Variants in PPIP5K1 observed in about 807,000 individuals in gnomAD.
PPIP5K1 encodes the protein diphosphoinositol pentakisphosphate kinase 1, also known as inositol hexakisphosphate and diphosphoinositol-pentakisphosphate kinase 1.
In PPIP5K1, 6 loss-of-function variants were observed where a neutral mutation model predicts 27.7. That is an observed-to-expected ratio of 0.22 (90% CI 0.12 to 0.43). The LOEUF is 0.43. PPIP5K1 is among the 20% of genes least tolerant of loss of function. PPIP5K1 has a pLI of 1.00. For synonymous variants in PPIP5K1, 145 were observed against 242.6 expected (o/e 0.60, Z 3.74); for missense variants, 394 against 635.4 (o/e 0.62, Z 4.08).
intron 30 of PPIP5K1, among the ~76,000 whole-genome samples, chr15:43,550,462 C>A (rs2082053768): frequency 6.6e-6 from 1 of 152,128 alleles, no homozygotes; most frequent in South Asian, 2.1e-4. Context: ...CATCCTGTAA[C>A]CTGCAACTCT....
intron 30 of PPIP5K1, among the ~76,000 whole-genome samples, chr15:43,547,519 G>A (rs2081527463): frequency 1.3e-5 from 2 of 152,154 alleles, no homozygotes; most frequent in Non-Finnish European, 2.9e-5. Context: ...TCCATTTTGA[G>A]TTAATATTTT....
chr15:43,536,068 T>C (rs943768601), intron 31 of PPIP5K1: 6 of 1,274,464 alleles, frequency 4.7e-6, no homozygotes, highest in African/African-American at 4.6e-5. Context: ...ATAGCCCAAA[T>C]GATAAGTTGG....
chr15:43,543,292 C>T (rs2080996125), intron 30 of PPIP5K1, among the ~76,000 whole-genome samples: 1 of 150,196 alleles, frequency 6.7e-6, no homozygotes, highest in Non-Finnish European at 1.5e-5. Flanking sequence ...GCAGGGATAG[C>T]ATTAGGAGAT....
At position 43,550,039 on chromosome 15, in the gene PPIP5K1, C is replaced by T. The variant is rs557319955; in HGVS notation, c.3556+8756G>A. Among the ~76,000 whole-genome samples the T allele has an allele frequency of 8.5e-5, 13 of 152,256 alleles. No homozygotes were observed. In the East Asian group the frequency reaches 1.7e-3, roughly 20 times the overall value. Reference sequence around the variant, plus strand: ...CACACTGGTCTTGAACTCCTGGCCTCAAATGATCCTCCCGCCTTAGCCTCT... The same window carrying T: ...CACACTGGTCTTGAACTCCTGGCCTTAAATGATCCTCCCGCCTTAGCCTCT... On this transcript the variant is annotated intron_variant, in intron 30 of 31. Transcript: ENST00000420765.
chr15:43,558,877 A>G lies in PPIP5K1; in HGVS notation c.3474T>C (p.Asn1158=). 1 of 1,614,006 alleles carries G rather than the reference A, an allele frequency of 6.2e-7. No individual in the cohort carries two copies. ...CACTCACTTGACGTAGGGAAAGGGC[A>G]TTATGCAGTGTTTCCAGAGGGTAGA... ...PTIYPLETLH[N]ALSLRQVSEF... is the part of the protein sequence containing the mutation. Residue 1158 remains asparagine (N), a synonymous_variant, in exon 30 of 32, where the codon AAT becomes AAC. Coordinates refer to ENST00000420765, the MANE Select transcript of PPIP5K1 (RefSeq NM_001394395.1).
intron 30 of PPIP5K1, among the ~76,000 whole-genome samples, chr15:43,540,470 A>T (rs2140409478): frequency 6.6e-6 from 1 of 151,966 alleles, no homozygotes; most frequent in East Asian, 1.9e-4. Flanking sequence ...AGGCCGGGGC[A>T]GGCAGATCAC....
intron 30 of PPIP5K1, among the ~76,000 whole-genome samples, chr15:43,541,111 C>T (rs543265184): frequency 1.6e-4 from 25 of 152,146 alleles, no homozygotes; most frequent in Non-Finnish European, 2.8e-4. Flanking sequence ...TGCAGCCTCT[C>T]CTTTTTTCAT....
At chr15:43,557,691 T>C (rs564365527) in intron 30 of PPIP5K1, among the ~76,000 whole-genome samples, 1 of 152,070 alleles carries the variant, frequency 6.6e-6, no homozygotes, top group Non-Finnish European at 1.5e-5. Flanking sequence ...TGTGGTAACA[T>C]CTTGCTCTGT....
chr15:43,539,286 T>A (rs1269172085), intron 31 of PPIP5K1, among the ~76,000 whole-genome samples, 184 bp downstream of exon 31: 1 of 151,878 alleles, frequency 6.6e-6, no homozygotes, highest in African/African-American at 2.4e-5. Flanking sequence ...GGTAAAGAGG[T>A]AAAGAGAGAG....
In PPIP5K1 at chr15:43,547,888, G is replaced by T. The variant is rs114288439; in HGVS notation, c.3557-8305C>A. Among the ~76,000 whole-genome samples the T allele has an allele frequency of 9.6e-3, 1,461 of 152,286 alleles. 30 individuals carry two copies. The highest frequency in any genetic ancestry group is 0.034 in the African/African-American group (1,411 of 41,546). ...TCAGCTTTTCCATTTCTGAAGAAAA[G>T]ACATTAAAATTCTGATAGGGATTGC... On this transcript the variant is annotated intron_variant, in intron 30 of 31. Coordinates refer to ENST00000420765, the MANE Select transcript of PPIP5K1 (RefSeq NM_001394395.1).
chr15:43,546,478 A>G (rs2081380397), intron 30 of PPIP5K1, among the ~76,000 whole-genome samples: 1 of 151,606 alleles, frequency 6.6e-6, no homozygotes, highest in Non-Finnish European at 1.5e-5. Context: ...TTTATTTCCT[A>G]TTTTGTAGAG....
At position 43,533,570 on chromosome 15, in the gene PPIP5K1, TG is replaced by T. The variant is rs890550491; in HGVS notation, c.*1103del. Reference sequence around the variant, plus strand: ...TCCTACCCACTCCCATTCCCATCCCTGGATCTTTGGAAAAAGCTTCATAATC... The same window carrying T: ...TCCTACCCACTCCCATTCCCATCCCTGATCTTTGGAAAAAGCTTCATAATC... On this transcript the variant is annotated 3_prime_UTR_variant, in exon 32 of 32. Transcript: ENST00000420765. 6.6e-6 allele frequency: 1 copy of T among 152,506 alleles called. No individual in the cohort carries two copies. The highest frequency in any genetic ancestry group is 2.4e-5 in the African/African-American group (1 of 41,410). 9.4% of individuals were successfully genotyped at this position (152,506 alleles called of 1,614,324 possible). A position where few individuals can be genotyped will look rare whatever the true frequency, so the allele number is the denominator to read the frequency against.
intron 31 of PPIP5K1, chr15:43,536,319 T>C (rs1188888207): frequency 2.5e-5 from 7 of 275,760 alleles, no homozygotes; most frequent in Non-Finnish European, 5.0e-5. Context: ...CTCAGGAGGC[T>C]GAGGCAGGTG....
chr15:43,551,457 G>T (rs1415842576), intron 30 of PPIP5K1, among the ~76,000 whole-genome samples: 3 of 148,226 alleles, frequency 2.0e-5, no homozygotes. Flanking sequence ...GGCAGAGATT[G>T]CAGTGAGCTG....
At chr15:43,555,271 TTTTA>T (rs953153413) in intron 30 of PPIP5K1, among the ~76,000 whole-genome samples, 2 of 152,090 alleles carry the variant, frequency 1.3e-5, no homozygotes, top group African/African-American at 2.4e-5. Context: ...AGTTTTCTAT[TTTTA>T]TTTATTTATT....
intron 30 of PPIP5K1, among the ~76,000 whole-genome samples, chr15:43,555,271 T>TTTTA (rs953153413): frequency 6.6e-6 from 1 of 152,092 alleles, no homozygotes; most frequent in Non-Finnish European, 1.5e-5. Flanking sequence ...AGTTTTCTAT[T>TTTTA]TTTATTTATT....
intron 30 of PPIP5K1, among the ~76,000 whole-genome samples, chr15:43,551,047 G>C (rs1400760095): frequency 6.6e-6 from 1 of 152,148 alleles, no homozygotes; most frequent in East Asian, 1.9e-4. Flanking sequence ...AGGGATATTG[G>C]TTTCTTCTCC....
chr15:43,542,805 CT>C (rs1415507300), intron 30 of PPIP5K1, among the ~76,000 whole-genome samples: 3 of 151,780 alleles, frequency 2.0e-5, no homozygotes, highest in African/African-American at 7.3e-5. Flanking sequence ...CATCAGCCCA[CT>C]GAGTAACTAG....
intron 30 of PPIP5K1, among the ~76,000 whole-genome samples, chr15:43,555,136 C>T (rs1038479369): frequency 6.6e-6 from 1 of 151,326 alleles, no homozygotes; most frequent in African/African-American, 2.4e-5. Flanking sequence ...CATGCCCAGG[C>T]GTTAAAAGTA....
Sources: gnomAD v4.1 joint callset for allele counts (sites outside exome capture counted in the v4.1 genomes callset) on GRCh38, gnomAD v4.1.1 for gene constraint, MANE v1.5 for transcripts, NCBI Gene and HGNC (gene_info 2026-07-23, HGNC 2026-07-21) for gene names.